The following NCKAP5 variants were observed in gnomAD, a reference collection of about 807,000 sequenced individuals.
NCKAP5 encodes the protein NCK associated protein 5.
NCKAP5 carries 92 observed loss-of-function variants against 167.0 expected under a neutral mutation model. That is an observed-to-expected ratio of 0.55 (90% confidence interval 0.47 to 0.66). The LOEUF is 0.66. Among genes scored for constraint, NCKAP5 ranks in the 30% least tolerant of loss-of-function variants. The probability of loss-of-function intolerance (pLI) is 0.00; values close to 1 mark genes in which losing one functional copy is unlikely to be tolerated. For synonymous variants in NCKAP5, 891 were observed against 877.4 expected, an observed-to-expected ratio of 1.02 and a Z score of -0.27; for missense variants, 2,378 against 2,315.0, an observed-to-expected ratio of 1.03 and a Z score of -0.56.
At chr2:133,640,469 TA>T in the NCKAP5 span, among the ~76,000 whole-genome samples, 2 of 152,314 alleles carry the variant, frequency 1.3e-5, no homozygotes, top group South Asian at 4.1e-4. Flanking sequence ...GATGCCTAAA[TA>T]AAATGACATC....
At chr2:133,647,624 TAGAA>T in the NCKAP5 span, among the ~76,000 whole-genome samples, 8 of 70,248 alleles carry the variant, frequency 1.1e-4, no homozygotes, top group African/African-American at 2.4e-4. Flanking sequence ...GACAGAAAGA[TAGAA>T]GGAAGGAAGG....
chr2:133,153,849 T>G (rs1423685281), intron 5 of NCKAP5, among the ~76,000 whole-genome samples: 13 of 149,784 alleles, frequency 8.7e-5, no homozygotes, highest in Non-Finnish European at 8.9e-5. Flanking sequence ...TTTTTTTTTT[T>G]TTTTGAGATG....
intron 3 of NCKAP5, among the ~76,000 whole-genome samples, chr2:133,443,768 G>A (rs566803573): frequency 6.6e-6 from 1 of 152,270 alleles, no homozygotes; most frequent in African/African-American, 2.4e-5. Context: ...ACTGGAAGAG[G>A]GGAGGAAAGG....
intron 4 of NCKAP5, among the ~76,000 whole-genome samples, chr2:133,285,788 C>T (rs943661891): frequency 6.6e-6 from 1 of 152,276 alleles, no homozygotes; most frequent in East Asian, 1.9e-4. Flanking sequence ...GCTCCAGGTA[C>T]ATATTTTCTC....
chr2:133,490,969 T>C lies in NCKAP5; in HGVS notation c.69+26489A>G, dbSNP rs1039636965. On this transcript the variant is annotated intron_variant, in intron 3 of 19. Coordinates refer to ENST00000409261, the MANE Select transcript of NCKAP5 (RefSeq NM_207363.3). ...ATCTAAAGTAGGTAAGCCTGCTTAC[T>C]TTTCCAAAAGAACCAGAGGAAACTT... Among the ~76,000 whole-genome samples, 22 of 152,222 alleles carry C rather than the reference T, an allele frequency of 1.4e-4. 1 individual carries two copies. Among genetic ancestry groups the C allele is most frequent in the Admixed American group, 6.5e-5 (1 of 15,280 alleles).
intron 6 of NCKAP5, among the ~76,000 whole-genome samples, chr2:133,087,448 T>C (rs2081030473): frequency 6.6e-6 from 1 of 152,228 alleles, no homozygotes; most frequent in Non-Finnish European, 1.5e-5. Flanking sequence ...GTATCAGTGT[T>C]CTCCATATTC....
At chr2:133,545,387 G>A (rs1011728190) in intron 2 of NCKAP5, among the ~76,000 whole-genome samples, 27 of 152,236 alleles carry the variant, frequency 1.8e-4, no homozygotes, top group African/African-American at 6.3e-4. Flanking sequence ...ACTTCCCTCT[G>A]CCAATAGTTT....
the NCKAP5 span, among the ~76,000 whole-genome samples, chr2:133,622,566 G>C: frequency 0.13 from 20,206 of 151,124 alleles, 1,880 homozygotes; most frequent in African/African-American, 0.26. Flanking sequence ...AAAACAAAAA[G>C]AAAAACAAAA....
intron 3 of NCKAP5, among the ~76,000 whole-genome samples, chr2:133,514,384 G>A (rs568818453): frequency 6.6e-6 from 1 of 152,210 alleles, no homozygotes; most frequent in South Asian, 2.1e-4. Context: ...CCTCCCCCAT[G>A]CCACGTGACT....
At chr2:132,954,323 T>C (rs1034904338) in intron 8 of NCKAP5, among the ~76,000 whole-genome samples, 6 of 152,146 alleles carry the variant, frequency 3.9e-5, no homozygotes, top group African/African-American at 1.4e-4. Context: ...AGCATGTGGG[T>C]TGGGTGCTCT....
At chr2:133,568,174 A>G (rs1688703009) in intron 1 of NCKAP5, 42 bp downstream of exon 1, 1 of 152,174 alleles carries the variant, frequency 6.6e-6, no homozygotes, top group South Asian at 2.1e-4. Flanking sequence ...AAATAAGAAA[A>G]ACTGTTACAA....
In NCKAP5 at chr2:133,529,688, A is replaced by T. The variant is rs181601148; in HGVS notation, c.-61-12101T>A. ...ATGTAAGACTACCTGTTTTCCATAG[A>T]GTTATCATAGCTGAACAGAACCAAT... On this transcript the variant is annotated intron_variant, in intron 2 of 19. Coordinates refer to ENST00000409261, the MANE Select transcript of NCKAP5 (RefSeq NM_207363.3). Among the ~76,000 whole-genome samples, 72 of 152,330 alleles carry T rather than the reference A, an allele frequency of 4.7e-4. No homozygotes were observed. The East Asian group carries it at 0.01, about 22-fold the overall frequency.
the NCKAP5 span, among the ~76,000 whole-genome samples, chr2:133,581,749 C>A: frequency 6.6e-6 from 1 of 152,104 alleles, no homozygotes; most frequent in Non-Finnish European, 1.5e-5. Flanking sequence ...CAGACATGCC[C>A]CTGGAAATAT....
At chr2:133,359,647 A>T (rs1311050722) in intron 3 of NCKAP5, among the ~76,000 whole-genome samples, 1 of 152,196 alleles carries the variant, frequency 6.6e-6, no homozygotes, top group African/African-American at 2.4e-5. Flanking sequence ...CAACCAGTTC[A>T]ATTTCTCATG....
At chr2:132,846,646 C>A (rs1002655441) in intron 11 of NCKAP5, among the ~76,000 whole-genome samples, 1 of 152,138 alleles carries the variant, frequency 6.6e-6, no homozygotes, top group Admixed American at 6.6e-5. Flanking sequence ...CTTCCTCCAT[C>A]CCTCCATCCA....
intron 11 of NCKAP5, among the ~76,000 whole-genome samples, chr2:132,816,868 C>T (rs757205797): frequency 2.6e-5 from 4 of 152,192 alleles, no homozygotes; most frequent in Non-Finnish European, 5.9e-5. Flanking sequence ...TCTCCAGGAA[C>T]TGACAGTTTC....
intron 3 of NCKAP5, among the ~76,000 whole-genome samples, chr2:133,502,810 T>A (rs1046762494): frequency 4.6e-5 from 7 of 152,192 alleles, no homozygotes; most frequent in Non-Finnish European, 1.0e-4. Context: ...AAATGAGGCG[T>A]TCAATGAACG....
At chr2:133,398,611 GTC>G (rs1250398809) in intron 3 of NCKAP5, among the ~76,000 whole-genome samples, 1 of 152,168 alleles carries the variant, frequency 6.6e-6, no homozygotes, top group Non-Finnish European at 1.5e-5. Flanking sequence ...AGGAAAATAT[GTC>G]TGTTTTTAAC....
chr2:133,641,798 G>A, the NCKAP5 span, among the ~76,000 whole-genome samples: 2 of 152,214 alleles, frequency 1.3e-5, no homozygotes, highest in Non-Finnish European at 2.9e-5. Flanking sequence ...GAGCCACCTT[G>A]AGTTCAAACT....
Sources: allele counts gnomAD v4.1 joint callset (sites outside exome capture counted in the v4.1 genomes callset), GRCh38; gene constraint gnomAD v4.1.1; transcripts MANE v1.5; gene names NCBI Gene and HGNC (gene_info 2026-07-23, HGNC 2026-07-21).